Variants in TESC observed in about 807,000 individuals in gnomAD.
The protein encoded by TESC is calcineurin B homologous protein 3.
A neutral mutation model predicts 31.0 loss-of-function variants in TESC; 19 were observed. The ratio of observed to expected loss-of-function variants is 0.61; its 90% CI spans 0.43 to 0.90. TESC has a LOEUF of 0.90. Among genes scored for constraint, TESC ranks in the 40% least tolerant of loss-of-function variants. The probability of loss-of-function intolerance (pLI) is 0.00; values close to 1 mark genes in which losing one functional copy is unlikely to be tolerated. For synonymous variants in TESC, 109 were observed against 114.8 expected (o/e 0.95, Z 0.32); for missense variants, 248 against 303.8 (o/e 0.82, Z 1.36).
At chr12:117,043,359 A>C (rs890903367) in intron 6 of TESC, among the ~76,000 whole-genome samples, 13 of 152,004 alleles carry the variant, frequency 8.6e-5, no homozygotes, top group African/African-American at 3.1e-4. Context: ...AATTCTGTAC[A>C]ACGTGTGTTT....
chr12:117,093,983 A>T (rs1449533082), intron 1 of TESC, among the ~76,000 whole-genome samples: 2 of 152,034 alleles, frequency 1.3e-5, no homozygotes, highest in African/African-American at 4.8e-5. Flanking sequence ...GTGGTGAAGG[A>T]CAACTGACTC....
intron 7 of TESC, among the ~76,000 whole-genome samples, chr12:117,040,911 T>C (rs1380704767): frequency 1.4e-4 from 22 of 151,918 alleles, no homozygotes; most frequent in Admixed American, 1.4e-3. Flanking sequence ...GATCCTTCCT[T>C]CCCTAATCCT....
chr12:117,049,087 T>A lies in TESC; in HGVS notation c.281A>T (p.Tyr94Phe), dbSNP rs753875219. 5.0e-6 allele frequency: 8 copies of A among 1,614,048 alleles called. No homozygotes were observed. Among genetic ancestry groups the A allele is most frequent in the Non-Finnish European group, 6.8e-6 (8 of 1,180,034 alleles). Residue 94 changes from tyrosine to phenylalanine, a missense_variant, in exon 4 of 8, where the codon TAC (tyrosine) becomes TTC (phenylalanine). Tyr to Phe is a conservative substitution (Grantham distance 22, BLOSUM62 3). Coordinates refer to ENST00000335209, the MANE Select transcript of TESC (RefSeq NM_017899.4). ...NFEDFLTIMSYFRPIDTTMDE... is the reference protein window; with the variant it reads ...NFEDFLTIMSFFRPIDTTMDE... ...CATGGTGGTGTCGATGGGCCGGAAG[T>A]AGGACATGATGGTCAGGAAGTCCTC...
chr12:117,047,195 G>A (rs985825268), intron 4 of TESC, among the ~76,000 whole-genome samples: 1 of 152,190 alleles, frequency 6.6e-6, no homozygotes. Flanking sequence ...CAAGTCAAAC[G>A]GTGTCGAGTT....
chr12:117,062,249 T>C (rs1259302796), intron 2 of TESC, among the ~76,000 whole-genome samples: 1 of 151,318 alleles, frequency 6.6e-6, no homozygotes, highest in Non-Finnish European at 1.5e-5. Context: ...TGAGACGGAG[T>C]CTCACTCTGC....
At chr12:117,079,583 T>C (rs776477148) in intron 1 of TESC, among the ~76,000 whole-genome samples, 5 of 150,710 alleles carry the variant, frequency 3.3e-5, no homozygotes, top group Non-Finnish European at 4.4e-5. Context: ...AAGCGTTACC[T>C]TGAAAGCATC....
chr12:117,089,784 T>C (rs58052341), intron 1 of TESC, among the ~76,000 whole-genome samples: 27,152 of 152,044 alleles, frequency 0.18, 2,653 homozygotes, highest in African/African-American at 0.25. Flanking sequence ...ATTTGTCTAA[T>C]AGGAATTACT....
chr12:117,091,142 C>T (rs1367250900), intron 1 of TESC, among the ~76,000 whole-genome samples: 2 of 152,206 alleles, frequency 1.3e-5, no homozygotes, highest in East Asian at 1.9e-4. Flanking sequence ...ATCACCCACT[C>T]GACCTTCTGG....
At chr12:117,044,627 A>C (rs74238494) in intron 6 of TESC, among the ~76,000 whole-genome samples, 2,010 of 152,188 alleles carry the variant, frequency 0.013, 65 homozygotes, top group South Asian at 0.12. Flanking sequence ...GGCCGGCGCG[A>C]CGGCTCATGC....
rs767382093 is a variant in TESC, at chr12:117,075,937, A to ATATATATATATATG, written c.59-598_59-597insCATATATATATATA. Among the ~76,000 whole-genome samples, 78 of 99,370 alleles carry ATATATATATATATG rather than the reference A, an allele frequency of 7.8e-4. 1 individual carries two copies. The highest frequency in any genetic ancestry group is 6.3e-3 in the East Asian group (26 of 4,134). 65.2% of individuals were successfully genotyped at this position (99,370 alleles called of 152,430 possible). A position where few individuals can be genotyped will look rare whatever the true frequency, so the allele number is the denominator to read the frequency against. ...TATGTGTGTGTGTATATATATATAT[A>ATATATATATATATG]TATGTATATATACATATATATATAT... On this transcript the variant is annotated intron_variant, in intron 1 of 7. Transcript: ENST00000335209.
chr12:117,086,962 A>G (rs1406235901), intron 1 of TESC, among the ~76,000 whole-genome samples: 5 of 152,178 alleles, frequency 3.3e-5, no homozygotes, highest in Admixed American at 3.3e-4. Flanking sequence ...CTGCGGCTAC[A>G]GCCAAAACAA....
chr12:117,080,168 G>A (rs1057079916), intron 1 of TESC, among the ~76,000 whole-genome samples: 1 of 152,078 alleles, frequency 6.6e-6, no homozygotes, highest in African/African-American at 2.4e-5. Context: ...CCAGTTAACA[G>A]TATCCAAAGT....
intron 3 of TESC, among the ~76,000 whole-genome samples, chr12:117,050,571 G>A (rs554134633): frequency 5.3e-5 from 8 of 152,222 alleles, no homozygotes; most frequent in South Asian, 2.1e-4. Flanking sequence ...CCCCATGCCC[G>A]GCACACTGCC....
rs546551450 is a variant in TESC, at chr12:117,057,518, C to A, written c.129-632G>T. ...GACTGCCTGAAGCCCATCCTCAAAT[C>A]CCTAGGTCAGTATTTAGAGCAGTGG... On this transcript the variant is annotated intron_variant, in intron 2 of 7. Coordinates refer to ENST00000335209, the MANE Select transcript of TESC (RefSeq NM_017899.4). Among the ~76,000 whole-genome samples, 6 of 152,304 alleles carry A rather than the reference C, an allele frequency of 3.9e-5. No homozygotes were observed. In the South Asian group the frequency reaches 1.2e-3, roughly 32 times the overall value.
intron 1 of TESC, among the ~76,000 whole-genome samples, chr12:117,091,363 G>C (rs552394616): frequency 3.3e-5 from 5 of 152,312 alleles, no homozygotes; most frequent in South Asian, 2.1e-4. Flanking sequence ...TTTGCAAAGG[G>C]AAGAGCATCT....
At chr12:117,059,832 T>A (rs899714466) in intron 2 of TESC, among the ~76,000 whole-genome samples, 2 of 152,118 alleles carry the variant, frequency 1.3e-5, no homozygotes, top group Non-Finnish European at 2.9e-5. Context: ...CCTCAGGTAA[T>A]CCACCCACCT....
intron 2 of TESC, among the ~76,000 whole-genome samples, chr12:117,070,259 G>A (rs981776283): frequency 6.6e-6 from 1 of 152,158 alleles, no homozygotes; most frequent in Non-Finnish European, 1.5e-5. Context: ...AGGGGAAGAT[G>A]GGCAGGAAAA....
At chr12:117,081,029 T>C (rs1441658859) in intron 1 of TESC, among the ~76,000 whole-genome samples, 1 of 152,222 alleles carries the variant, frequency 6.6e-6, no homozygotes, top group African/African-American at 2.4e-5. Flanking sequence ...TTTCTGGTTT[T>C]AGATTTCAAC....
At chr12:117,041,033 G>A (rs1592987861) in intron 7 of TESC, among the ~76,000 whole-genome samples, 1 of 151,614 alleles carries the variant, frequency 6.6e-6, no homozygotes, top group South Asian at 2.1e-4. Context: ...GGAGGGGGAT[G>A]GGGGGAGGGG....
Sources: gnomAD v4.1 joint callset for allele counts (sites outside exome capture counted in the v4.1 genomes callset) on GRCh38, gnomAD v4.1.1 for gene constraint, MANE v1.5 for transcripts, NCBI Gene and HGNC (gene_info 2026-07-23, HGNC 2026-07-21) for gene names.